Variants in ARHGEF7 observed in about 807,000 individuals in gnomAD.
ARHGEF7 encodes the protein Rho guanine nucleotide exchange factor 7, also known as PAK-interacting exchange factor beta.
ARHGEF7 carries 33 observed loss-of-function variants against 109.8 expected under a neutral mutation model. The observed-to-expected ratio is 0.30, with a 90% CI of 0.23 to 0.40. The LOEUF (loss-of-function observed/expected upper bound fraction) is 0.40, where lower values mean the gene tolerates loss of function less well. Among genes scored for constraint, ARHGEF7 ranks in the 10% least tolerant of loss-of-function variants. The pLI is 1.00. For missense variants in ARHGEF7, 938 were observed against 1,098.5 expected, an observed-to-expected ratio of 0.85 and a Z score of 2.07; for synonymous variants, 458 against 424.6, an observed-to-expected ratio of 1.08 and a Z score of -0.97.
At chr13:111,150,806 A>T (rs1034603151) in intron 1 of ARHGEF7, among the ~76,000 whole-genome samples, 3 of 152,218 alleles carry the variant, frequency 2.0e-5, no homozygotes, top group Non-Finnish European at 4.4e-5. Flanking sequence ...TATTGGGGGC[A>T]TGAAAAGAAC....
chr13:111,234,002 CCA>C (rs1298349511), intron 6 of ARHGEF7, among the ~76,000 whole-genome samples: 1 of 152,084 alleles, frequency 6.6e-6, no homozygotes, highest in Non-Finnish European at 1.5e-5. Context: ...AAATTTTAAA[CCA>C]CTCAACATGA....
At chr13:111,172,523 C>T (rs1014374193) in intron 2 of ARHGEF7, among the ~76,000 whole-genome samples, 7 of 152,260 alleles carry the variant, frequency 4.6e-5, no homozygotes, top group Admixed American at 2.0e-4. Context: ...CACATCCTCT[C>T]TGACTGCTTC....
chr13:111,151,251 C>A (rs147201294), intron 1 of ARHGEF7, among the ~76,000 whole-genome samples: 2 of 152,344 alleles, frequency 1.3e-5, no homozygotes, highest in Admixed American at 1.3e-4. Context: ...ACCCTTTTCA[C>A]GTATAACACT....
intron 2 of ARHGEF7, among the ~76,000 whole-genome samples, chr13:111,176,830 C>T (rs1243036604): frequency 6.6e-6 from 1 of 152,224 alleles, no homozygotes; most frequent in Non-Finnish European, 1.5e-5. Context: ...GATTTTGGCT[C>T]ACTGCAACCT....
intron 5 of ARHGEF7, among the ~76,000 whole-genome samples, chr13:111,230,960 A>T (rs2085961662): frequency 6.6e-6 from 1 of 152,200 alleles, no homozygotes; most frequent in African/African-American, 2.4e-5. Flanking sequence ...ATAGTAAATT[A>T]ATTGAATTTT....
At chr13:111,287,868 C>T (rs1003838049) in intron 17 of ARHGEF7, among the ~76,000 whole-genome samples, 1 of 152,224 alleles carries the variant, frequency 6.6e-6, no homozygotes. Flanking sequence ...CACGGGCTGC[C>T]GTGTGGGGAA....
At position 111,145,355 on chromosome 13, in the gene ARHGEF7, G is replaced by A. The variant is rs1170256294; in HGVS notation, c.166-8550G>A. 6.6e-6 allele frequency among the ~76,000 whole-genome samples: 1 copy of A among 152,192 alleles called. No homozygotes were observed. Among genetic ancestry groups the A allele is most frequent in the Non-Finnish European group, 1.5e-5 (1 of 68,028 alleles). On this transcript the variant is annotated intron_variant, in intron 1 of 21. Transcript: ENST00000646102. This position sits in a 1 kb window ranked among gnomAD's most constrained non-coding sequence, Gnocchi z 4.3. ...TGGTTTATGAGACGATTTATGAAGT[G>A]AGGGCAGGAAGAAGGACAACCTAGA...
intron 1 of ARHGEF7, among the ~76,000 whole-genome samples, chr13:111,133,799 AT>A (rs1566606903): frequency 0.037 from 1,385 of 37,786 alleles, 122 homozygotes; most frequent in African/African-American, 0.06. Flanking sequence ...ATATATATAT[AT>A]ATATATATAT....
chr13:111,156,959 A>C (rs747847944), intron 2 of ARHGEF7, among the ~76,000 whole-genome samples: 1 of 152,160 alleles, frequency 6.6e-6, no homozygotes, highest in African/African-American at 2.4e-5. Context: ...ATTCTTATTT[A>C]CTGTCAGTTT....
chr13:111,202,182 AC>A (rs1173009738), intron 2 of ARHGEF7, among the ~76,000 whole-genome samples: 1 of 152,190 alleles, frequency 6.6e-6, no homozygotes, highest in Non-Finnish European at 1.5e-5. Flanking sequence ...CTGTGCAGCC[AC>A]CCTTGTCCCC....
intron 4 of ARHGEF7, among the ~76,000 whole-genome samples, chr13:111,215,819 C>G (rs1850421818): frequency 6.6e-6 from 1 of 152,178 alleles, no homozygotes; most frequent in African/African-American, 2.4e-5. Flanking sequence ...GCTGGCCGCA[C>G]AGCTGCTGCC....
rs2092730290 is a variant in ARHGEF7 at position 111,280,695 on chromosome 13, C to A, written c.1725+18C>A. ...CTCATACCGTAAGGACTTGGTGCTT[C>A]TCCTCCTTCCAGACTCCAGGCGTGG... is the stretch of plus-strand genomic sequence containing the variant. On this transcript the variant is annotated intron_variant, in intron 15 of 21. Transcript: ENST00000646102. 1 of 1,507,198 alleles carries A rather than the reference C, an allele frequency of 6.6e-7. No individual in the cohort carries two copies. The highest frequency in any genetic ancestry group is 1.4e-5 in the African/African-American group (1 of 70,742). The allele number at this position is 1,507,198 out of a possible 1,614,324, so 93.4% of individuals were successfully genotyped here.
intron 12 of ARHGEF7, among the ~76,000 whole-genome samples, chr13:111,276,477 G>A (rs2092490206): frequency 6.6e-6 from 1 of 152,156 alleles, no homozygotes; most frequent in South Asian, 2.1e-4. Context: ...CTTTTCAGAA[G>A]AAGTTTCTTT....
At chr13:111,155,109 G>T (rs1566647184) in intron 2 of ARHGEF7, among the ~76,000 whole-genome samples, 1 of 152,120 alleles carries the variant, frequency 6.6e-6, no homozygotes. Flanking sequence ...AATGTTTACG[G>T]GACTATGCCA....
Position 111,188,607 on chromosome 13 carries a change from G to A in ARHGEF7, c.253-16682G>A, listed in dbSNP as rs560105873. 1.5e-4 allele frequency among the ~76,000 whole-genome samples: 23 copies of A among 151,992 alleles called. No individual in the cohort carries two copies. In the South Asian group the frequency reaches 4.4e-3, roughly 29 times the overall value. On this transcript the variant is annotated intron_variant, in intron 2 of 21. Transcript: ENST00000646102. ...GTGTCTTTTTTTCTTGGAGATTTCT[G>A]TAAAACAGCAGCCGTTAGCAGTTAT...
chr13:111,294,347 C>T, intron 19 of ARHGEF7: 1 of 985,414 alleles, frequency 1.0e-6, no homozygotes, highest in Non-Finnish European at 1.2e-6. Flanking sequence ...GCGTGGGTTG[C>T]CTGTGTCATG....
intron 21 of ARHGEF7, among the ~76,000 whole-genome samples, chr13:111,302,722 C>T (rs575314792): frequency 1.3e-5 from 2 of 152,252 alleles, no homozygotes; most frequent in South Asian, 2.1e-4. Flanking sequence ...TATTTTCTTA[C>T]GGTATGTTCT....
At chr13:111,299,597 C>G (rs769119044) in intron 19 of ARHGEF7, among the ~76,000 whole-genome samples, 4 of 152,214 alleles carry the variant, frequency 2.6e-5, no homozygotes, top group Non-Finnish European at 5.9e-5. Flanking sequence ...CCGCCTCCGC[C>G]TCCCAAAGTG....
At chr13:111,141,442 TG>T (rs138429829) in intron 1 of ARHGEF7, among the ~76,000 whole-genome samples, 1 of 152,046 alleles carries the variant, frequency 6.6e-6, no homozygotes, top group South Asian at 2.1e-4. Context: ...GTGCGAGCTA[TG>T]GGGGAAGTGT....
Sources: allele counts gnomAD v4.1 joint callset (sites outside exome capture counted in the v4.1 genomes callset), GRCh38; gene constraint gnomAD v4.1.1; non-coding constraint Gnocchi (gnomAD v3.1); transcripts MANE v1.5; gene names NCBI Gene and HGNC (gene_info 2026-07-23, HGNC 2026-07-21).